CMSS1: variants seen among roughly 807,000 people sequenced by gnomAD.
CMSS1 encodes the protein protein CMSS1.
CMSS1 carries 33 observed loss-of-function variants against 43.5 expected under a neutral mutation model. That is an observed-to-expected ratio of 0.76 (90% CI 0.57 to 1.01). CMSS1 has a LOEUF of 1.01. Among genes scored for constraint, CMSS1 ranks in the 50% least tolerant of loss-of-function variants. The probability of loss-of-function intolerance (pLI) is 0.00; values close to 1 mark genes in which losing one functional copy is unlikely to be tolerated. For synonymous variants in CMSS1, 115 were observed against 117.2 expected, an observed-to-expected ratio of 0.98 and a Z score of 0.12; for missense variants, 313 against 326.4, an observed-to-expected ratio of 0.96 and a Z score of 0.32.
intron 1 of CMSS1, chr3:100,141,387 G>A (rs2107507414): frequency 1.0e-5 from 3 of 290,338 alleles, no homozygotes; most frequent in South Asian, 9.8e-5. Flanking sequence ...CAGCCATCCA[G>A]CACTACTCCC....
chr3:100,098,180 T>A (rs758201166), intron 1 of CMSS1, among the ~76,000 whole-genome samples: 20 of 152,142 alleles, frequency 1.3e-4, no homozygotes, highest in Non-Finnish European at 2.6e-4. Context: ...TGTGATTCCC[T>A]CACCAGTTAG....
chr3:100,156,454 G>A (rs1475752256), intron 2 of CMSS1, among the ~76,000 whole-genome samples: 12 of 151,746 alleles, frequency 7.9e-5, no homozygotes, highest in African/African-American at 1.4e-4. Flanking sequence ...GATTACAGGC[G>A]TGCGCCACCA....
At chr3:99,905,480 AC>A (rs1197350211) in intron 1 of CMSS1, among the ~76,000 whole-genome samples, 4 of 152,226 alleles carry the variant, frequency 2.6e-5, no homozygotes, top group Non-Finnish European at 5.9e-5. Context: ...CATCTTTAGA[AC>A]ATGTAACATA....
intron 1 of CMSS1, among the ~76,000 whole-genome samples, chr3:100,070,985 T>C (rs1002780367): frequency 3.3e-5 from 5 of 152,082 alleles, no homozygotes; most frequent in Non-Finnish European, 5.9e-5. Context: ...TGTAATGCCC[T>C]TTTTTTGTTT....
At chr3:100,009,771 CTT>C (rs1710091251) in intron 1 of CMSS1, among the ~76,000 whole-genome samples, 1 of 152,212 alleles carries the variant, frequency 6.6e-6, no homozygotes, top group Non-Finnish European at 1.5e-5. Flanking sequence ...TTGTCTCTCT[CTT>C]AGTAACCAGA....
At chr3:100,158,380 T>A (rs748385454) in intron 2 of CMSS1, among the ~76,000 whole-genome samples, 6 of 152,228 alleles carry the variant, frequency 3.9e-5, no homozygotes, top group Admixed American at 3.9e-4. Flanking sequence ...AGTGTTGGAA[T>A]TGGTTTCCAG....
chr3:99,968,129 T>A (rs575399455), intron 1 of CMSS1, among the ~76,000 whole-genome samples: 1 of 152,308 alleles, frequency 6.6e-6, no homozygotes, highest in East Asian at 1.9e-4. Context: ...CACCTAGCCT[T>A]ACGTGGCAAT....
intron 1 of CMSS1, chr3:100,114,228 C>T (rs1196358202): frequency 1.3e-5 from 2 of 151,844 alleles, no homozygotes; most frequent in Non-Finnish European, 2.9e-5. Flanking sequence ...AACCAGGGGC[C>T]AGTGATAGCT....
At chr3:99,995,181 G>A (rs936899432) in intron 1 of CMSS1, among the ~76,000 whole-genome samples, 1 of 152,150 alleles carries the variant, frequency 6.6e-6, no homozygotes, top group African/African-American at 2.4e-5. Context: ...ATACAATGTG[G>A]GTACAGGTAT....
chr3:100,162,180 C>A, intron 3 of CMSS1, 123 bp from the exon 4 acceptor site: 1 of 662,838 alleles, frequency 1.5e-6, no homozygotes, highest in Non-Finnish European at 2.5e-6. Flanking sequence ...TATTAAAACC[C>A]ACATTCACAC....
chr3:99,831,393 A>G (rs1297397004), intron 1 of CMSS1, among the ~76,000 whole-genome samples: 1 of 152,142 alleles, frequency 6.6e-6, no homozygotes, highest in Admixed American at 6.5e-5. Context: ...GGTACTTTTG[A>G]TTTTTCTTAC....
chr3:99,879,234 G>A (rs1297066946), intron 1 of CMSS1, among the ~76,000 whole-genome samples: 1 of 152,150 alleles, frequency 6.6e-6, no homozygotes, highest in East Asian at 1.9e-4. Context: ...TGCGGGAGAA[G>A]GGGTTTGTAG....
intron 1 of CMSS1, among the ~76,000 whole-genome samples, chr3:100,076,427 G>T (rs1332471303): frequency 2.0e-5 from 3 of 152,134 alleles, no homozygotes; most frequent in Non-Finnish European, 4.4e-5. Flanking sequence ...TTTTATCATT[G>T]TCAGCATGTG....
chr3:100,108,341 T>G (rs976479337), intron 1 of CMSS1, among the ~76,000 whole-genome samples: 1 of 152,168 alleles, frequency 6.6e-6, no homozygotes, highest in African/African-American at 2.4e-5. Context: ...ATAATGATAA[T>G]AACAGCCTCT....
chr3:100,130,395 GC>G (rs1444627310), intron 1 of CMSS1, among the ~76,000 whole-genome samples: 4 of 152,154 alleles, frequency 2.6e-5, no homozygotes, highest in African/African-American at 7.2e-5. Context: ...CTTCCCTGCA[GC>G]ACAACAAACT....
intron 1 of CMSS1, among the ~76,000 whole-genome samples, chr3:100,068,291 A>C (rs2065700439): frequency 6.6e-6 from 1 of 152,160 alleles, no homozygotes; most frequent in African/African-American, 2.4e-5. Flanking sequence ...CAATTTTGCC[A>C]TGTTATTATA....
chr3:100,070,596 A>G (rs917846779), intron 1 of CMSS1, among the ~76,000 whole-genome samples: 1 of 152,146 alleles, frequency 6.6e-6, no homozygotes, highest in African/African-American at 2.4e-5. Context: ...GTCTATGAAT[A>G]AAGACTTCAT....
At chr3:99,876,164 C>G (rs1466835816) in intron 1 of CMSS1, 3 of 985,618 alleles carry the variant, frequency 3.0e-6, no homozygotes, top group Non-Finnish European at 2.4e-6. Flanking sequence ...GAGAGTCGCC[C>G]GAACAATGCG....
intron 1 of CMSS1, among the ~76,000 whole-genome samples, chr3:100,097,312 T>C (rs1293096785): frequency 6.6e-6 from 1 of 152,176 alleles, no homozygotes; most frequent in Non-Finnish European, 1.5e-5. Context: ...TGGGAACCAC[T>C]GTTGTATTAG....
Sources: gnomAD v4.1 joint callset for allele counts (sites outside exome capture counted in the v4.1 genomes callset) on GRCh38, gnomAD v4.1.1 for gene constraint, MANE v1.5 for transcripts, NCBI Gene and HGNC (gene_info 2026-07-23, HGNC 2026-07-21) for gene names.